Variants in PITPNM2 observed in about 807,000 individuals in gnomAD.
The protein encoded by PITPNM2 is phosphatidylinositol transfer protein membrane associated 2.
In PITPNM2, 35 loss-of-function variants were observed where a neutral mutation model predicts 132.2. The observed-to-expected ratio is 0.26, with a 90% CI of 0.20 to 0.35. The LOEUF (loss-of-function observed/expected upper bound fraction) is 0.35, where lower values mean the gene tolerates loss of function less well. Ranked by LOEUF, PITPNM2 falls within the 10% of genes least tolerant of loss-of-function variation. The pLI, the probability that PITPNM2 is intolerant of heterozygous loss-of-function variation, is 1.00. For missense variants in PITPNM2, 1,332 were observed against 1,912.0 expected, an observed-to-expected ratio of 0.70 and a Z score of 5.66; for synonymous variants, 738 against 799.2, an observed-to-expected ratio of 0.92 and a Z score of 1.29.
intron 2 of PITPNM2, among the ~76,000 whole-genome samples, chr12:123,035,196 G>T (rs761538561): frequency 6.6e-6 from 1 of 152,188 alleles, no homozygotes; most frequent in East Asian, 1.9e-4. Context: ...GTGATTTAAC[G>T]TTTGGTTTCA....
chr12:123,004,686 C>G lies in PITPNM2; in HGVS notation c.953-197G>C, dbSNP rs956943970. ...CGGCCTAGGCTCATCTCCTGTCCGC[C>G]TGGCACAAGGCAGTCATGTCCCGGG... is the stretch of plus-strand genomic sequence containing the variant. On this transcript the variant is annotated intron_variant, in intron 7 of 25. Coordinates refer to ENST00000320201, the MANE Select transcript of PITPNM2 (RefSeq NM_020845.3). This position sits in a 1 kb window ranked among gnomAD's most constrained non-coding sequence, Gnocchi z 4.9. 33 of 620,350 alleles carry G rather than the reference C, an allele frequency of 5.3e-5. No individual in the cohort carries two copies. The highest frequency in any genetic ancestry group is 5.1e-4 in the African/African-American group (28 of 54,886). The allele number at this position is 620,350 out of a possible 1,614,324, so 38.4% of individuals were successfully genotyped here.
chr12:122,986,877 C>T (rs1161563335), intron 23 of PITPNM2, 48 bp from the exon 24 acceptor site: 13 of 1,540,476 alleles, frequency 8.4e-6, no homozygotes, highest in East Asian at 2.4e-5. Flanking sequence ...CCCTCCTGGG[C>T]CTCCCTGTCT....
chr12:123,113,717 C>CG (rs1031416019), intron 1 of PITPNM2, among the ~76,000 whole-genome samples: 3 of 151,772 alleles, frequency 2.0e-5, no homozygotes, highest in African/African-American at 7.3e-5. Flanking sequence ...ACAAACCCCC[C>CG]CACCCTTTCA....
At chr12:123,067,453 TCACACA>T (rs55716436) in intron 2 of PITPNM2, among the ~76,000 whole-genome samples, 4,885 of 136,494 alleles carry the variant, frequency 0.036, 100 homozygotes, top group Middle Eastern at 0.058. Context: ...TGAAACTCCA[TCACACA>T]CACACACACA....
intron 3 of PITPNM2, among the ~76,000 whole-genome samples, chr12:123,032,868 CA>C (rs2040141665): frequency 1.3e-5 from 2 of 152,212 alleles, no homozygotes; most frequent in African/African-American, 2.4e-5. Flanking sequence ...CAGCTCAGAG[CA>C]AACAGCCCCC....
At chr12:122,987,749 G>A (rs1352480822) in intron 21 of PITPNM2, 36 bp downstream of exon 21, 2 of 1,613,338 alleles carry the variant, frequency 1.2e-6, no homozygotes, top group Non-Finnish European at 1.7e-6. Context: ...GCTCCCCAAA[G>A]TCCCTCCATG....
At chr12:123,126,656 G>A (rs1433882676) in intron 1 of PITPNM2, among the ~76,000 whole-genome samples, 5 of 152,190 alleles carry the variant, frequency 3.3e-5, no homozygotes, top group Non-Finnish European at 1.5e-5. Flanking sequence ...ACAGCTGGCA[G>A]ACACACATCC....
At position 122,995,077 on chromosome 12, in the gene PITPNM2, C is replaced by A. The variant is rs2038366833; in HGVS notation, c.2055-98G>T. 1.4e-5 allele frequency: 19 copies of A among 1,328,022 alleles called. No homozygotes were observed. The South Asian group carries it at 2.8e-4, about 20-fold the overall frequency. 82.3% of individuals were successfully genotyped at this position (1,328,022 alleles called of 1,614,324 possible). On this transcript the variant is annotated intron_variant, in intron 14 of 25. Coordinates refer to ENST00000320201, the MANE Select transcript of PITPNM2 (RefSeq NM_020845.3). ...AGCAGGTCCCAACCTCTCTCGGGGG[C>A]CCACTGGCTTCAGGACAGCCCTGAG... is the stretch of plus-strand genomic sequence containing the variant.
chr12:123,128,544 A>G (rs1368622039), intron 1 of PITPNM2, among the ~76,000 whole-genome samples: 1 of 150,750 alleles, frequency 6.6e-6, no homozygotes, highest in Non-Finnish European at 1.5e-5. Flanking sequence ...ACAAGGTCAG[A>G]AGATCGAGAC....
chr12:123,098,789 C>G (rs2042476968), intron 2 of PITPNM2, among the ~76,000 whole-genome samples: 1 of 152,142 alleles, frequency 6.6e-6, no homozygotes, highest in East Asian at 1.9e-4. Flanking sequence ...CTCCTGAGAG[C>G]TGAGCTCAGG....
rs567844761 is a variant in PITPNM2 at position 123,124,363 on chromosome 12, C to T, written c.-199-13875G>A. Among the ~76,000 whole-genome samples the T allele has an allele frequency of 2.2e-4, 34 of 151,918 alleles. No homozygotes were observed. In the East Asian group the frequency reaches 5.6e-3, roughly 25 times the overall value. On this transcript the variant is annotated intron_variant, in intron 1 of 25. Transcript: ENST00000320201. ...AGGAGAATCACTTGAACCCATGAGA[C>T]GGAAGCTGCAGTGAGCCAAGATCAC...
chr12:123,034,602 A>G lies in PITPNM2; in HGVS notation c.-12T>C, dbSNP rs2040208893. 1 of 1,613,682 alleles carries G rather than the reference A, an allele frequency of 6.2e-7. No individual in the cohort carries two copies. Among genetic ancestry groups the G allele is most frequent in the Non-Finnish European group, 8.5e-7 (1 of 1,179,544 alleles). ...TCCTTTATAATCATCTTGGAGTCCA[A>G]GCCTTCCCGTCGATGGGGAACTGCA... is the stretch of plus-strand genomic sequence containing the variant. On this transcript the variant is annotated 5_prime_UTR_variant, in exon 3 of 26. Transcript: ENST00000320201.
In PITPNM2 at chr12:123,008,442, T is replaced by G. The variant is rs2039032362; in HGVS notation, c.643+1408A>C. Reference sequence around the variant, plus strand: ...GCGGTAGGGGACGCCCTGCCCAGGATAGGGGAGCCCCTCCCAGTCCTGCCC... The same window carrying G: ...GCGGTAGGGGACGCCCTGCCCAGGAGAGGGGAGCCCCTCCCAGTCCTGCCC... On this transcript the variant is annotated intron_variant, in intron 6 of 25. Transcript: ENST00000320201. This position sits in a 1 kb window ranked among gnomAD's most constrained non-coding sequence, Gnocchi z 4.1. Among the ~76,000 whole-genome samples the G allele has an allele frequency of 6.6e-6, 1 of 152,158 alleles. No individual in the cohort carries two copies. The highest frequency in any genetic ancestry group is 6.5e-5 in the Admixed American group (1 of 15,280).
chr12:123,113,340 CTT>C (rs1021801773), intron 1 of PITPNM2, among the ~76,000 whole-genome samples: 3 of 152,206 alleles, frequency 2.0e-5, no homozygotes, highest in Non-Finnish European at 4.4e-5. Flanking sequence ...CATGCATGGC[CTT>C]TGACTCCATC....
intron 1 of PITPNM2, among the ~76,000 whole-genome samples, chr12:123,122,252 C>T (rs1363522292): frequency 6.6e-6 from 1 of 152,090 alleles, no homozygotes; most frequent in Non-Finnish European, 1.5e-5. Flanking sequence ...CGTCTGAGGT[C>T]GGGAGTTCGA....
chr12:123,035,672 A>C (rs549517977), intron 2 of PITPNM2, among the ~76,000 whole-genome samples: 1 of 152,094 alleles, frequency 6.6e-6, no homozygotes, highest in African/African-American at 2.4e-5. Context: ...GTCTCAAAAA[A>C]AAAAACAAAA....
rs1458405000 is a variant in PITPNM2, at chr12:123,108,165, G to T, written c.-96+2220C>A. Among the ~76,000 whole-genome samples the T allele has an allele frequency of 2.0e-5, 3 of 152,132 alleles. No individual in the cohort carries two copies. Among genetic ancestry groups the T allele is most frequent in the African/African-American group, 7.2e-5 (3 of 41,426 alleles). ...ATGCCTGTCTGTTTTGTTCACAGTG[G>T]CGTCTCTGGCAACTGGAATGGTCCC... is the stretch of plus-strand genomic sequence containing the variant. On this transcript the variant is annotated intron_variant, in intron 2 of 25. Transcript: ENST00000320201. This position sits in a 1 kb window ranked among gnomAD's most constrained non-coding sequence, Gnocchi z 4.4.
At chr12:123,103,506 C>T (rs1593017068) in intron 2 of PITPNM2, among the ~76,000 whole-genome samples, 1 of 152,254 alleles carries the variant, frequency 6.6e-6, no homozygotes, top group Admixed American at 6.5e-5. Context: ...GAATCCTCAG[C>T]TCACAAAGTC....
chr12:123,146,337 G>A (rs1182667422), intron 1 of PITPNM2, among the ~76,000 whole-genome samples: 1 of 152,172 alleles, frequency 6.6e-6, no homozygotes, highest in Non-Finnish European at 1.5e-5. Context: ...GCTCATGTCT[G>A]TAATACCAGC....
Sources: allele counts gnomAD v4.1 joint callset (sites outside exome capture counted in the v4.1 genomes callset), GRCh38; gene constraint gnomAD v4.1.1; non-coding constraint Gnocchi (gnomAD v3.1); transcripts MANE v1.5; gene names NCBI Gene and HGNC (gene_info 2026-07-23, HGNC 2026-07-21).